KIFAP3: variants seen among roughly 807,000 people sequenced by gnomAD.
The protein encoded by KIFAP3 is kinesin-associated protein 3.
In KIFAP3, 68 loss-of-function variants were observed where a neutral mutation model predicts 106.5. The ratio of observed to expected loss-of-function variants is 0.64; its 90% CI spans 0.53 to 0.78. The LOEUF (loss-of-function observed/expected upper bound fraction) is 0.78. KIFAP3 is among the 30% of genes least tolerant of loss of function. The pLI is 0.00. For missense variants in KIFAP3, 780 were observed against 941.8 expected, an observed-to-expected ratio of 0.83 and a Z score of 2.25; for synonymous variants, 320 against 311.5, an observed-to-expected ratio of 1.03 and a Z score of -0.29.
At chr1:169,997,351 T>C (rs1296185557) in intron 10 of KIFAP3, among the ~76,000 whole-genome samples, 1 of 151,994 alleles carries the variant, frequency 6.6e-6, no homozygotes, top group Non-Finnish European at 1.5e-5. Flanking sequence ...TATTATTATG[T>C]TGACAATAAC....
chr1:170,052,211 G>A (rs1015648408), intron 2 of KIFAP3, among the ~76,000 whole-genome samples: 3 of 151,836 alleles, frequency 2.0e-5, no homozygotes, highest in Admixed American at 1.3e-4. Context: ...CAAACACCTC[G>A]AAGCAAATAA....
chr1:169,965,200 A>C (rs1322751321), intron 17 of KIFAP3, among the ~76,000 whole-genome samples: 4 of 152,134 alleles, frequency 2.6e-5, no homozygotes, highest in Non-Finnish European at 5.9e-5. Flanking sequence ...TATTTTTTTA[A>C]AGAATAGTAA....
intron 2 of KIFAP3, among the ~76,000 whole-genome samples, chr1:170,053,021 G>C (rs948625267): frequency 2.6e-5 from 4 of 152,076 alleles, no homozygotes; most frequent in African/African-American, 7.2e-5. Flanking sequence ...AGAAGTAAAG[G>C]GTATTCAAAT....
At chr1:170,042,452 C>G (rs1670029136) in intron 3 of KIFAP3, among the ~76,000 whole-genome samples, 1 of 152,116 alleles carries the variant, frequency 6.6e-6, no homozygotes, top group Admixed American at 6.5e-5. Flanking sequence ...ATCACTGTCT[C>G]CTGCAAGGTT....
chr1:169,969,288 A>G (rs1665784771), intron 17 of KIFAP3, among the ~76,000 whole-genome samples: 1 of 151,980 alleles, frequency 6.6e-6, no homozygotes, highest in Non-Finnish European at 1.5e-5. Flanking sequence ...CTTCTCTTCA[A>G]GACGTTGTAA....
chr1:169,983,906 A>G (rs976472428), intron 12 of KIFAP3, among the ~76,000 whole-genome samples: 1 of 151,906 alleles, frequency 6.6e-6, no homozygotes. Context: ...GAAGTAAACT[A>G]TGGCAAAATT....
In KIFAP3 at chr1:169,984,749, G is replaced by C. The variant is rs1482615445; in HGVS notation, c.1285-59C>G. 9.6e-6 allele frequency: 8 copies of C among 830,000 alleles called. No individual in the cohort carries two copies. In the Admixed American group the frequency reaches 1.4e-4, roughly 15 times the overall value. 51.4% of individuals were successfully genotyped at this position (830,000 alleles called of 1,614,324 possible). ...AAACAAAGACAAAAAACCAAACACA[G>C]AAGCAATATTTTTATCATAATGTGT... On this transcript the variant is annotated intron_variant, in intron 11 of 19. Coordinates refer to ENST00000361580, the MANE Select transcript of KIFAP3 (RefSeq NM_014970.4).
At chr1:170,056,878 C>T (rs1014762285) in intron 1 of KIFAP3, among the ~76,000 whole-genome samples, 1 of 151,614 alleles carries the variant, frequency 6.6e-6, no homozygotes, top group African/African-American at 2.4e-5. Context: ...AAAACAGAAG[C>T]CAGGGAGGCC....
At chr1:169,982,314 T>C (rs1249444485) in intron 14 of KIFAP3, among the ~76,000 whole-genome samples, 2 of 152,070 alleles carry the variant, frequency 1.3e-5, no homozygotes, top group Non-Finnish European at 2.9e-5. Context: ...AAAGTGGAAA[T>C]GAGCCTTTGA....
Position 170,038,288 on chromosome 1 carries a change from A to G in KIFAP3, c.517+2T>C. 1 of 1,582,860 alleles carries G rather than the reference A, an allele frequency of 6.3e-7. No homozygotes were observed. The highest frequency in any genetic ancestry group is 8.5e-7 in the Non-Finnish European group (1 of 1,171,522). On this transcript the variant is annotated splice_donor_variant, in intron 5 of 19. Transcript: ENST00000361580. LOFTEE classifies it high-confidence loss of function. ...TAATTAAACATGTTTTATAGTAATCACCATTCAATAGTAGTTCTTCCAAGT... is the reference window on the plus strand; with the variant it reads ...TAATTAAACATGTTTTATAGTAATCGCCATTCAATAGTAGTTCTTCCAAGT...
intron 7 of KIFAP3, 97 bp from the exon 8 acceptor site, chr1:170,032,081 C>T: frequency 2.9e-6 from 2 of 681,192 alleles, no homozygotes; most frequent in Non-Finnish European, 5.2e-6. Context: ...TTATGTGCAA[C>T]TTTATCCAGT....
At chr1:170,040,809 C>G (rs1327806939) in intron 3 of KIFAP3, among the ~76,000 whole-genome samples, 1 of 133,218 alleles carries the variant, frequency 7.5e-6, no homozygotes, top group Non-Finnish European at 1.8e-5. Context: ...TAGAAGCAAT[C>G]ATGTTCAAAA....
At chr1:169,938,975 A>T (rs1197118237) in intron 19 of KIFAP3, among the ~76,000 whole-genome samples, 1 of 152,192 alleles carries the variant, frequency 6.6e-6, no homozygotes, top group Admixed American at 6.5e-5. Flanking sequence ...ATGAGGCTGG[A>T]GATGTAGATA....
At chr1:170,071,362 A>C (rs766454176) in intron 1 of KIFAP3, among the ~76,000 whole-genome samples, 7 of 152,232 alleles carry the variant, frequency 4.6e-5, no homozygotes, top group African/African-American at 7.2e-5. Context: ...AGCAATAAAC[A>C]AACAAAATGT....
chr1:170,054,777 G>A (rs1290057836), intron 2 of KIFAP3, among the ~76,000 whole-genome samples: 1 of 152,130 alleles, frequency 6.6e-6, no homozygotes, highest in Non-Finnish European at 1.5e-5. Context: ...CACGGACACA[G>A]GGGAGGGAAC....
chr1:170,016,651 G>A (rs1355336159), intron 9 of KIFAP3, 27 bp from the exon 10 acceptor site: 1 of 1,418,688 alleles, frequency 7.0e-7, no homozygotes. Flanking sequence ...TACAAATACA[G>A]TGAAGTTCTG....
At chr1:170,021,904 C>G (rs191819095) in intron 9 of KIFAP3, among the ~76,000 whole-genome samples, 2 of 148,096 alleles carry the variant, frequency 1.4e-5, no homozygotes, top group African/African-American at 4.9e-5. Flanking sequence ...ATTGCCTCAA[C>G]ATGCAATGCC....
chr1:169,927,880 T>G (rs564192429), intron 19 of KIFAP3, among the ~76,000 whole-genome samples: 3 of 152,156 alleles, frequency 2.0e-5, no homozygotes, highest in Non-Finnish European at 4.4e-5. Context: ...TAAGAACTGG[T>G]GGCTACTGGA....
rs375562953 is a variant in KIFAP3 at position 169,961,134 on chromosome 1, A to G, written c.2085T>C (p.Ser695=). 2.5e-6 allele frequency: 4 copies of G among 1,613,562 alleles called. No homozygotes were observed. In the African/African-American group the frequency reaches 4.0e-5, roughly 16 times the overall value. ...EMVESRQMDE[S]EQYLYGDDRI... Reference sequence around the variant, plus strand: ...GATCATCACCATACAAGTACTGCTCACTCTCATCCATCTGACGACTCTCTA... The same window carrying G: ...GATCATCACCATACAAGTACTGCTCGCTCTCATCCATCTGACGACTCTCTA... The change falls in exon 18 of 20, where the codon AGT becomes AGC. Residue 695 remains serine (S), a synonymous_variant. Coordinates refer to ENST00000361580, the MANE Select transcript of KIFAP3 (RefSeq NM_014970.4).
Sources: gnomAD v4.1 joint callset for allele counts (sites outside exome capture counted in the v4.1 genomes callset) on GRCh38, gnomAD v4.1.1 for gene constraint, MANE v1.5 for transcripts, NCBI Gene and HGNC (gene_info 2026-07-23, HGNC 2026-07-21) for gene names.